Variants in MAGI2 observed in about 807,000 individuals in gnomAD.
MAGI2 encodes the protein membrane-associated guanylate kinase, WW and PDZ domain-containing protein 2.
Under a neutral mutation model 133.3 loss-of-function variants are expected in MAGI2, and 35 were observed. The ratio of observed to expected loss-of-function variants is 0.26; its 90% CI spans 0.20 to 0.35. The LOEUF (loss-of-function observed/expected upper bound fraction) is 0.35, where lower values mean the gene tolerates loss of function less well. Among genes scored for constraint, MAGI2 ranks in the 10% least tolerant of loss-of-function variants. The pLI is 1.00. For synonymous variants in MAGI2, 729 were observed against 710.6 expected, an observed-to-expected ratio of 1.03 and a Z score of -0.41; for missense variants, 1,636 against 1,863.4, an observed-to-expected ratio of 0.88 and a Z score of 2.25.
intron 3 of MAGI2, among the ~76,000 whole-genome samples, chr7:78,527,682 T>C (rs1797095605): frequency 6.6e-6 from 1 of 152,242 alleles, no homozygotes; most frequent in Non-Finnish European, 1.5e-5. Flanking sequence ...GCAGATACTT[T>C]GAAATACTTT....
intron 9 of MAGI2, among the ~76,000 whole-genome samples, chr7:78,275,885 C>T (rs1562732574): frequency 6.6e-6 from 1 of 152,132 alleles, no homozygotes; most frequent in African/African-American, 2.4e-5. Context: ...GTCTAGAACA[C>T]CTGAAACATA....
At chr7:78,653,626 G>A (rs1444619021) in intron 2 of MAGI2, among the ~76,000 whole-genome samples, 2 of 151,932 alleles carry the variant, frequency 1.3e-5, no homozygotes, top group Admixed American at 6.6e-5. Flanking sequence ...ACACACTGGG[G>A]CCTGTCAGGG....
At chr7:79,171,762 ATATATATATTTTTTTTT>A (rs1267441656) in intron 1 of MAGI2, among the ~76,000 whole-genome samples, 3 of 28,772 alleles carry the variant, frequency 1.0e-4, no homozygotes, top group Non-Finnish European at 1.1e-4. Flanking sequence ...ATATATATAT[ATATATATATTTTTTTTT>A]TTTTTTTCTT....
intron 1 of MAGI2, among the ~76,000 whole-genome samples, chr7:79,249,010 C>G (rs188541255): frequency 9.2e-5 from 14 of 151,948 alleles, no homozygotes; most frequent in Non-Finnish European, 1.8e-4. Context: ...ATTACAGGTG[C>G]CCGCCACCAC....
At chr7:79,097,497 G>T (rs187051080) in intron 1 of MAGI2, among the ~76,000 whole-genome samples, 1 of 152,176 alleles carries the variant, frequency 6.6e-6, no homozygotes, top group African/African-American at 2.4e-5. Context: ...GTTAGGACAG[G>T]CAGCCAAGAA....
rs1371074972 is a variant in MAGI2, at chr7:78,019,559, G to C, written c.4124C>G (p.Ser1375Cys). Reference protein sequence around the residue: ...GKEAPRAAAGSELCRREGPGA... With the variant: ...GKEAPRAAAGCELCRREGPGA... ...CGGGCCTTCGCGCCGGCAGAGCTCG[G>C]AGCCCGCCGCCGCACGGGGCGCCTC... The change falls in exon 22 of 22, where the codon TCC becomes TGC. Residue 1375 changes from serine (S) to cysteine (C), a missense_variant. Physicochemically the swap from Ser to Cys is moderately radical, Grantham distance 112. Around this residue, in one of 5 missense-constraint regions of MAGI2, gnomAD observed 354 missense variants for 298.7 expected, o/e 1.19. Transcript: ENST00000354212. 79 of 980,222 alleles carry C rather than the reference G, an allele frequency of 8.1e-5. No individual in the cohort carries two copies. The highest frequency in any genetic ancestry group is 9.4e-5 in the Non-Finnish European group (78 of 828,072). The allele number at this position is 980,222 out of a possible 1,614,324, so 60.7% of individuals were successfully genotyped here.
chr7:78,271,595 TG>T (rs1373508851), intron 9 of MAGI2, among the ~76,000 whole-genome samples: 1 of 152,204 alleles, frequency 6.6e-6, no homozygotes, highest in Non-Finnish European at 1.5e-5. Flanking sequence ...GGACTTTTTT[TG>T]GTTGGTAGGC....
At chr7:79,264,445 T>C (rs936431426) in intron 1 of MAGI2, among the ~76,000 whole-genome samples, 2 of 152,332 alleles carry the variant, frequency 1.3e-5, no homozygotes, top group East Asian at 3.9e-4. Flanking sequence ...TCACTTCCTT[T>C]TTAGAGACCA....
chr7:79,360,676 AC>A (rs1443120534), intron 1 of MAGI2, among the ~76,000 whole-genome samples: 4 of 152,104 alleles, frequency 2.6e-5, no homozygotes. Context: ...ATATTGTAAC[AC>A]CCAGAGCAGC....
At chr7:79,372,730 C>T (rs1017824195) in intron 1 of MAGI2, among the ~76,000 whole-genome samples, 12 of 152,070 alleles carry the variant, frequency 7.9e-5, no homozygotes, top group African/African-American at 2.7e-4. Flanking sequence ...GCACCAGTAA[C>T]TTCTTTTTAT....
At chr7:78,873,793 T>C (rs1054866499) in intron 2 of MAGI2, among the ~76,000 whole-genome samples, 6 of 152,100 alleles carry the variant, frequency 3.9e-5, no homozygotes, top group Non-Finnish European at 7.3e-5. Flanking sequence ...CAAAGCTAAG[T>C]AGAATTTCTT....
At chr7:78,903,320 G>C (rs370617125) in intron 2 of MAGI2, among the ~76,000 whole-genome samples, 6 of 150,804 alleles carry the variant, frequency 4.0e-5, no homozygotes, top group Non-Finnish European at 7.4e-5. Context: ...CAGCCTCCCA[G>C]GTAGCTGGGA....
At chr7:79,166,490 C>G (rs540266641) in intron 1 of MAGI2, among the ~76,000 whole-genome samples, 76 of 152,092 alleles carry the variant, frequency 5.0e-4, no homozygotes, top group African/African-American at 1.8e-3. Context: ...CTGATGAGAC[C>G]CTGGGCAGAG....
At chr7:78,274,607 T>A (rs577585034) in intron 9 of MAGI2, among the ~76,000 whole-genome samples, 1 of 143,748 alleles carries the variant, frequency 7.0e-6, no homozygotes, top group African/African-American at 2.5e-5. Flanking sequence ...CTGACTGGGG[T>A]GCTGCCTTTT....
chr7:78,649,449 T>A (rs947460588), intron 2 of MAGI2, among the ~76,000 whole-genome samples: 1 of 152,028 alleles, frequency 6.6e-6, no homozygotes, highest in Admixed American at 6.6e-5. Context: ...AATTTCAACA[T>A]TGGAGGCTGA....
rs766874552 is a variant in MAGI2 at position 79,037,496 on chromosome 7, T to C, written c.302-30290A>G. Reference sequence around the variant, plus strand: ...ATGCTGTGGGCTTCATGTGCCACCATTGCTTAGGACTACAGTCACCTAAAT... The same window carrying C: ...ATGCTGTGGGCTTCATGTGCCACCACTGCTTAGGACTACAGTCACCTAAAT... On this transcript the variant is annotated intron_variant, in intron 1 of 21. Coordinates refer to ENST00000354212, the MANE Select transcript of MAGI2 (RefSeq NM_012301.4). Among the ~76,000 whole-genome samples the C allele has an allele frequency of 2.8e-4, 43 of 152,120 alleles. 1 individual carries two copies. The highest frequency in any genetic ancestry group is 1.2e-4 in the Non-Finnish European group (8 of 68,012).
At chr7:79,015,398 T>C (rs1000448924) in intron 1 of MAGI2, among the ~76,000 whole-genome samples, 1 of 152,166 alleles carries the variant, frequency 6.6e-6, no homozygotes, top group African/African-American at 2.4e-5. Flanking sequence ...GTACAATACA[T>C]GGTTCACTCC....
At chr7:78,713,049 C>A (rs935426751) in intron 2 of MAGI2, among the ~76,000 whole-genome samples, 3 of 151,872 alleles carry the variant, frequency 2.0e-5, no homozygotes, top group Non-Finnish European at 4.4e-5. Flanking sequence ...AAATGAAAAC[C>A]AAAATTACTT....
intron 7 of MAGI2, chr7:78,350,253 C>T (rs1239017707): frequency 1.3e-5 from 2 of 152,218 alleles, no homozygotes; most frequent in Non-Finnish European, 2.9e-5. Flanking sequence ...GTCTGACTCT[C>T]TCCTCTCACC....
Sources: allele counts gnomAD v4.1 joint callset (sites outside exome capture counted in the v4.1 genomes callset), GRCh38; gene constraint gnomAD v4.1.1; regional missense constraint gnomAD v4.1.1; transcripts MANE v1.5; gene names NCBI Gene and HGNC (gene_info 2026-07-23, HGNC 2026-07-21).